Variants in PARP11 observed in about 807,000 individuals in gnomAD.
PARP11 encodes protein mono-ADP-ribosyltransferase PARP11.
In PARP11, 31 loss-of-function variants were observed where a neutral mutation model predicts 42.9. That is an observed-to-expected ratio of 0.72 (90% confidence interval 0.54 to 0.98). PARP11 has a LOEUF of 0.98. Ranked by LOEUF, PARP11 falls within the 50% of genes least tolerant of loss-of-function variation. The pLI, the probability that PARP11 is intolerant of heterozygous loss-of-function variation, is 0.00. For missense variants in PARP11, 365 were observed against 413.1 expected (o/e 0.88, Z 1.01); for synonymous variants, 137 against 127.3 (o/e 1.08, Z -0.51).
In PARP11 at chr12:3,829,882, G is replaced by A. The variant is rs780504414; in HGVS notation, c.147+8C>T. ...AACACTTCTGCTAAATTAAAGGAAA[G>A]GAGGTACCTGAAACATGTGCCACTT... On this transcript the variant is annotated splice_region_variant and intron_variant, in intron 2 of 7. Transcript: ENST00000228820. 2 of 1,613,496 alleles carry A rather than the reference G, an allele frequency of 1.2e-6. No individual in the cohort carries two copies. Among genetic ancestry groups the A allele is most frequent in the Non-Finnish European group, 1.7e-6 (2 of 1,179,662 alleles).
intron 1 of PARP11, among the ~76,000 whole-genome samples, chr12:3,871,378 T>C (rs935443527): frequency 3.3e-5 from 5 of 152,250 alleles, no homozygotes; most frequent in African/African-American, 4.8e-5. Context: ...TATTTTACTG[T>C]ATCTTTTCTA....
Position 3,829,308 on chromosome 12 carries a change from G to C in PARP11, c.148-278C>G, listed in dbSNP as rs139836173. 3.9e-3 allele frequency among the ~76,000 whole-genome samples: 596 copies of C among 152,254 alleles called. 6 individuals are homozygous for C. Among genetic ancestry groups the C allele is most frequent in the Non-Finnish European group, 5.9e-3 (401 of 68,022 alleles). ...TTTCCAGATAATTACAATTTTTACAGATTATTCCAATAATTATACTTTCTA... is the reference window on the plus strand; with the variant it reads ...TTTCCAGATAATTACAATTTTTACACATTATTCCAATAATTATACTTTCTA... On this transcript the variant is annotated intron_variant, in intron 2 of 7. Transcript: ENST00000228820.
intron 1 of PARP11, among the ~76,000 whole-genome samples, chr12:3,860,471 A>C: frequency 6.6e-6 from 1 of 152,114 alleles, no homozygotes; most frequent in East Asian, 1.9e-4. Flanking sequence ...ATTGTGACCA[A>C]CCCCATCAGA....
At chr12:3,813,330 G>C (rs1947221425) in intron 7 of PARP11, among the ~76,000 whole-genome samples, 1 of 152,206 alleles carries the variant, frequency 6.6e-6, no homozygotes, top group South Asian at 2.1e-4. Context: ...AGATTTCTGA[G>C]AGAGTATAAT....
intron 1 of PARP11, among the ~76,000 whole-genome samples, chr12:3,871,304 G>A (rs1262423693): frequency 6.6e-6 from 1 of 152,190 alleles, no homozygotes; most frequent in Non-Finnish European, 1.5e-5. Context: ...ATTATGCATT[G>A]CATAAAAGCT....
chr12:3,853,431 T>C (rs997832969), intron 1 of PARP11, among the ~76,000 whole-genome samples: 1 of 152,070 alleles, frequency 6.6e-6, no homozygotes, highest in Non-Finnish European at 1.5e-5. Context: ...AATAAAGGGA[T>C]GGAGGAAGAT....
intron 1 of PARP11, chr12:3,841,683 C>A (rs1947891403): frequency 6.2e-7 from 1 of 1,613,212 alleles, no homozygotes; most frequent in Non-Finnish European, 8.5e-7. Flanking sequence ...AGAATATGTT[C>A]CCCCAGCCAT....
chr12:3,814,406 A>G lies in PARP11; in HGVS notation c.549-218T>C, dbSNP rs3741933. Among the ~76,000 whole-genome samples, 2,655 of 152,354 alleles carry G rather than the reference A, an allele frequency of 0.017. 139 individuals carry two copies. The South Asian group carries it at 0.18, about 10-fold the overall frequency. On this transcript the variant is annotated intron_variant, in intron 6 of 7. Coordinates refer to ENST00000228820, the MANE Select transcript of PARP11 (RefSeq NM_020367.6). ...AAATTATTAGTTAACACTGAAACTT[A>G]AGGTTGAAAATTATGCCAAAAACTA...
At position 3,859,528 on chromosome 12, in the gene PARP11, CT is replaced by C; in HGVS notation, c.18+13683del. Among the ~76,000 whole-genome samples, 3 of 150,506 alleles carry C rather than the reference CT, an allele frequency of 2.0e-5. No individual in the cohort carries two copies. In the East Asian group the frequency reaches 5.9e-4, roughly 29 times the overall value. The stretch of plus-strand genomic sequence containing the variant: ...AGTGAGCTGAGATTGCACCACTGCC[CT>C]CCAGCCTGGGTGACAGAGTGAGACT... On this transcript the variant is annotated intron_variant, in intron 1 of 7. Transcript: ENST00000228820.
intron 1 of PARP11, among the ~76,000 whole-genome samples, chr12:3,854,039 G>C (rs1948147370): frequency 6.6e-6 from 1 of 152,150 alleles, no homozygotes; most frequent in South Asian, 2.1e-4. Flanking sequence ...ATGACTACTA[G>C]GTAAATAACT....
chr12:3,851,266 G>A lies in PARP11; in HGVS notation c.19-21248C>T, dbSNP rs545651307. Among the ~76,000 whole-genome samples, 13 of 152,306 alleles carry A rather than the reference G, an allele frequency of 8.5e-5. 1 individual carries two copies. In the South Asian group the frequency reaches 1.9e-3, roughly 22 times the overall value. On this transcript the variant is annotated intron_variant, in intron 1 of 7. Coordinates refer to ENST00000228820, the MANE Select transcript of PARP11 (RefSeq NM_020367.6). Reference sequence around the variant, plus strand: ...ATGTCATTGGGACTGGTTGGGCAGCGGGTGCAGCCCACAGAGGGCAAGCCG... The same window carrying A: ...ATGTCATTGGGACTGGTTGGGCAGCAGGTGCAGCCCACAGAGGGCAAGCCG...
At chr12:3,842,654 C>T (rs565931985) in intron 1 of PARP11, 14 of 638,208 alleles carry the variant, frequency 2.2e-5, no homozygotes, top group East Asian at 1.8e-4. Flanking sequence ...CTCCCATACT[C>T]GACAAGACAT....
chr12:3,840,983 T>G lies in PARP11; in HGVS notation c.19-10965A>C. ...GCCTGGCCAAGTGAACCTACAACTTTTGGACCAACAGGTGTCCCTGCTCCA... is the reference window on the plus strand; with the variant it reads ...GCCTGGCCAAGTGAACCTACAACTTGTGGACCAACAGGTGTCCCTGCTCCA... On this transcript the variant is annotated intron_variant, in intron 1 of 7. Transcript: ENST00000228820. This position sits in a 1 kb window ranked among gnomAD's most constrained non-coding sequence, Gnocchi z 4.4. 1 of 1,608,128 alleles carries G rather than the reference T, an allele frequency of 6.2e-7. No individual in the cohort carries two copies. Among genetic ancestry groups the G allele is most frequent in the South Asian group, 1.1e-5 (1 of 90,930 alleles).
At chr12:3,868,230 G>A (rs974755823) in intron 1 of PARP11, among the ~76,000 whole-genome samples, 2 of 152,168 alleles carry the variant, frequency 1.3e-5, no homozygotes, top group Admixed American at 1.3e-4. Flanking sequence ...GGAGGCCTAG[G>A]CGGGTGGATC....
In PARP11 at chr12:3,812,296, C is replaced by T; in HGVS notation, c.844G>A (p.Val282Met). ...CCGTTTATGTAATCTCCAATTAGCACTCGAGCAAGAAACATAGATTTATAT... is the reference window on the plus strand; with the variant it reads ...CCGTTTATGTAATCTCCAATTAGCATTCGAGCAAGAAACATAGATTTATAT... ...RTYKSMFLAR[V>M]LIGDYINGDS... The change falls in exon 8 of 8, where the codon GTG becomes ATG. Residue 282 changes from valine (V) to methionine (M), a missense_variant. Coordinates refer to ENST00000228820, the MANE Select transcript of PARP11 (RefSeq NM_020367.6). 6.2e-7 allele frequency: 1 copy of T among 1,614,184 alleles called. No homozygotes were observed.
At chr12:3,859,086 A>C (rs148539574) in intron 1 of PARP11, among the ~76,000 whole-genome samples, 2,987 of 151,130 alleles carry the variant, frequency 0.02, 101 homozygotes, top group African/African-American at 0.068. Context: ...CGACAGAGCA[A>C]GACTCCATCT....
At chr12:3,838,953 G>A (rs1319366869) in intron 1 of PARP11, among the ~76,000 whole-genome samples, 1 of 151,986 alleles carries the variant, frequency 6.6e-6, no homozygotes, top group African/African-American at 2.4e-5. Flanking sequence ...AACTTGTGGG[G>A]GCGGCGACCC....
chr12:3,856,101 C>T (rs187875981), intron 1 of PARP11, among the ~76,000 whole-genome samples: 153 of 152,284 alleles, frequency 1.0e-3, no homozygotes, highest in Non-Finnish European at 1.3e-3. Context: ...CCCTTCCTTA[C>T]ACCTTATATA....
chr12:3,868,584 G>C (rs1948427555), intron 1 of PARP11, among the ~76,000 whole-genome samples: 1 of 152,160 alleles, frequency 6.6e-6, no homozygotes, highest in South Asian at 2.1e-4. Flanking sequence ...AGTGAGTCCA[G>C]AACCAAACTC....
Sources: allele counts gnomAD v4.1 joint callset (sites outside exome capture counted in the v4.1 genomes callset), GRCh38; gene constraint gnomAD v4.1.1; non-coding constraint Gnocchi (gnomAD v3.1); transcripts MANE v1.5; gene names NCBI Gene and HGNC (gene_info 2026-07-23, HGNC 2026-07-21).